The following KIDINS220 variants were observed in gnomAD, a reference collection of about 807,000 sequenced individuals.
KIDINS220 encodes kinase D-interacting substrate of 220 kDa.
In KIDINS220, 63 loss-of-function variants were observed where a neutral mutation model predicts 157.6. The ratio of observed to expected loss-of-function variants is 0.40; its 90% CI spans 0.33 to 0.49. The LOEUF is 0.49. Ranked by LOEUF, KIDINS220 falls within the 20% of genes least tolerant of loss-of-function variation. The pLI, the probability that KIDINS220 is intolerant of heterozygous loss-of-function variation, is 0.66. For missense variants in KIDINS220, 1,772 were observed against 2,171.2 expected (o/e 0.82, Z 3.65); for synonymous variants, 732 against 783.6 (o/e 0.93, Z 1.10).
chr2:8,816,169 T>C (rs953220785), intron 4 of KIDINS220, among the ~76,000 whole-genome samples: 1 of 152,210 alleles, frequency 6.6e-6, no homozygotes, highest in Non-Finnish European at 1.5e-5. Flanking sequence ...TTTGAAGAAA[T>C]AGGAAGAGCC....
rs753734439 is a variant in KIDINS220, at chr2:8,791,232, T to G, written c.1277-8A>C. 3 of 1,609,164 alleles carry G rather than the reference T, an allele frequency of 1.9e-6. No homozygotes were observed. The East Asian group carries it at 6.7e-5, about 36-fold the overall frequency. ...CAGTAGGAGACAAGTGTCCTGTAAT[T>G]AAAACACATCATATCTTACATTAAA... is the stretch of plus-strand genomic sequence containing the variant. On this transcript the variant is annotated splice_region_variant and splice_polypyrimidine_tract_variant and intron_variant, in intron 12 of 29. Transcript: ENST00000256707.
chr2:8,823,415 G>C (rs1572812649), intron 2 of KIDINS220, among the ~76,000 whole-genome samples: 2 of 139,108 alleles, frequency 1.4e-5, no homozygotes, highest in Middle Eastern at 7.8e-3. Context: ...TTTATCAGAA[G>C]TTGTAAAAGC....
In KIDINS220 at chr2:8,793,946, G is replaced by T; in HGVS notation, c.1140C>A (p.Ser380Arg). The T allele has an allele frequency of 1.2e-6, 2 of 1,613,306 alleles. No homozygotes were observed. Among genetic ancestry groups the T allele is most frequent in the Non-Finnish European group, 1.7e-6 (2 of 1,179,798 alleles). ...TPLHIAIRGR[S>R]RKLAELLLRN... ...TTAAAAGCAGTTCTGCCAGTTTCCG[G>T]CTCCTTCCACGAATAGCAATATGCA... The change falls in exon 12 of 30, where the codon AGC becomes AGA. Residue 380 changes from serine (S) to arginine (R), a missense_variant. Coordinates refer to ENST00000256707, the MANE Select transcript of KIDINS220 (RefSeq NM_020738.4).
chr2:8,743,543 A>T (rs1346290984), intron 26 of KIDINS220, among the ~76,000 whole-genome samples: 2 of 152,212 alleles, frequency 1.3e-5, no homozygotes, highest in Non-Finnish European at 2.9e-5. Context: ...TCCAAGGCAA[A>T]GAGCTCATCA....
At position 8,759,074 on chromosome 2, in the gene KIDINS220, G is replaced by A. The variant is rs1484907075; in HGVS notation, c.3012-7430C>T. 3.3e-5 allele frequency among the ~76,000 whole-genome samples: 5 copies of A among 152,354 alleles called. No individual in the cohort carries two copies. The Middle Eastern group carries it at 0.014, about 415-fold the overall frequency. On this transcript the variant is annotated intron_variant, in intron 22 of 29. Coordinates refer to ENST00000256707, the MANE Select transcript of KIDINS220 (RefSeq NM_020738.4). ...CACTCACTTTTCAAGGTCTACAAAA[G>A]TAAGTTTGCATTTTAGGCATCTTAT...
At position 8,791,064 on chromosome 2, in the gene KIDINS220, T is replaced by C. The variant is rs1558430689; in HGVS notation, c.1437A>G (p.Leu479=). 3.1e-6 allele frequency: 5 copies of C among 1,612,608 alleles called. No individual in the cohort carries two copies. The highest frequency in any genetic ancestry group is 4.2e-6 in the Non-Finnish European group (5 of 1,179,296). Residue 479 remains leucine, a synonymous_variant, in exon 13 of 30, where the codon CTA becomes CTG. Transcript: ENST00000256707. ...TTGTACAAGCAAGCCCTTTACCTTCTAGTTTCTTGAGTAAGAAAGATTTCC... is the reference window on the plus strand; with the variant it reads ...TTGTACAAGCAAGCCCTTTACCTTCCAGTTTCTTGAGTAAGAAAGATTTCC... ...GSGKSFLLKK[L]EDEMKTFAGQ... is the part of the protein sequence containing the mutation.
rs1013902418 is a variant in KIDINS220, at chr2:8,787,104, G to GA, written c.1788-748dup. On this transcript the variant is annotated intron_variant, in intron 15 of 29. Coordinates refer to ENST00000256707, the MANE Select transcript of KIDINS220 (RefSeq NM_020738.4). ...CGATGCTACTTTAATTGTTCTAACTGAAAAAAAAAAATACCACCTCATTAA... is the reference window on the plus strand; with the variant it reads ...CGATGCTACTTTAATTGTTCTAACTGAAAAAAAAAAAATACCACCTCATTAA... Among the ~76,000 whole-genome samples, 142 of 144,170 alleles carry GA rather than the reference G, an allele frequency of 9.8e-4. 1 individual carries two copies. The East Asian group carries it at 0.016, about 16-fold the overall frequency. The allele number at this position is 144,170 out of a possible 152,430, so 94.6% of individuals were successfully genotyped here. A position where few individuals can be genotyped will look rare whatever the true frequency, so the allele number is the denominator to read the frequency against.
intron 15 of KIDINS220, among the ~76,000 whole-genome samples, 162 bp from the exon 16 acceptor site, chr2:8,786,519 C>T (rs562847781): frequency 1.3e-5 from 2 of 152,060 alleles, no homozygotes; most frequent in African/African-American, 2.4e-5. Context: ...AATTAGGTAG[C>T]TTCCACTTCT....
intron 17 of KIDINS220, among the ~76,000 whole-genome samples, chr2:8,783,728 A>G (rs912773517): frequency 1.3e-5 from 2 of 152,220 alleles, no homozygotes; most frequent in African/African-American, 4.8e-5. Context: ...ACACTGCAAA[A>G]AACGAAATAG....
Position 8,780,507 on chromosome 2 carries a change from T to G in KIDINS220, c.2230-693A>C, listed in dbSNP as rs572687286. On this transcript the variant is annotated intron_variant, in intron 17 of 29. Transcript: ENST00000256707. ...CTCCTTGATTACGTAAGCTTATATA[T>G]GTGTGTGTGTGTCTGTGTGTGTGTG... Among the ~76,000 whole-genome samples the G allele has an allele frequency of 6.4e-5, 5 of 78,254 alleles. No individual in the cohort carries two copies. The South Asian group carries it at 2.0e-3, about 31-fold the overall frequency. 51.3% of individuals were successfully genotyped at this position (78,254 alleles called of 152,430 possible). A position where few individuals can be genotyped will look rare whatever the true frequency, so the allele number is the denominator to read the frequency against.
chr2:8,749,791 C>T (rs548264836), intron 24 of KIDINS220, among the ~76,000 whole-genome samples: 1 of 151,962 alleles, frequency 6.6e-6, no homozygotes, highest in Non-Finnish European at 1.5e-5. Context: ...ACAAATAGAA[C>T]ATTTGTTTAT....
At position 8,736,447 on chromosome 2, in the gene KIDINS220, A is replaced by C. The variant is rs1484860923; in HGVS notation, c.3717+421T>G. Among the ~76,000 whole-genome samples, 4 of 152,350 alleles carry C rather than the reference A, an allele frequency of 2.6e-5. No individual in the cohort carries two copies. In the East Asian group the frequency reaches 7.7e-4, roughly 29 times the overall value. ...GACATGAAAATGAGAATTTGGAGAA[A>C]ATGAGGCAAGTGTGGCTTACTTTGA... is the stretch of plus-strand genomic sequence containing the variant. On this transcript the variant is annotated intron_variant, in intron 27 of 29. Coordinates refer to ENST00000256707, the MANE Select transcript of KIDINS220 (RefSeq NM_020738.4).
chr2:8,806,523 C>T, intron 6 of KIDINS220, 154 bp from the exon 7 acceptor site: 1 of 547,328 alleles, frequency 1.8e-6, no homozygotes, highest in South Asian at 3.3e-5. Context: ...AATCCTATTT[C>T]TCCCATTTTA....
chr2:8,813,332 CTCCCT>C lies in KIDINS220; in HGVS notation c.307-2_309del. 6.2e-7 allele frequency: 1 copy of C among 1,606,502 alleles called. No individual in the cohort carries two copies. The highest frequency in any genetic ancestry group is 1.7e-5 in the Admixed American group (1 of 58,342). ...CATGCCCACATAAGAGCTGTCCATC[CTCCCT>C]AAACAAAAAATGTAGGGGTAAGGGA... On this transcript the variant is annotated splice_acceptor_variant and coding_sequence_variant, in exon 5 of 30. Coordinates refer to ENST00000256707, the MANE Select transcript of KIDINS220 (RefSeq NM_020738.4). LOFTEE classifies it high-confidence loss of function.
At chr2:8,800,543 C>G in intron 8 of KIDINS220, 45 bp from the exon 9 acceptor site, 1 of 1,280,200 alleles carries the variant, frequency 7.8e-7, no homozygotes, top group Non-Finnish European at 1.1e-6. Context: ...AAATTGACAA[C>G]AAATAAGCAC....
intron 10 of KIDINS220, 39 bp from the exon 11 acceptor site, chr2:8,796,908 T>C (rs750724089): frequency 2.8e-6 from 4 of 1,404,490 alleles, no homozygotes; most frequent in South Asian, 1.2e-5. Context: ...GATTAATAGC[T>C]TGACTCCTGT....
At chr2:8,819,268 T>C (rs1042198270) in intron 2 of KIDINS220, among the ~76,000 whole-genome samples, 56 of 152,186 alleles carry the variant, frequency 3.7e-4, no homozygotes, top group Non-Finnish European at 1.8e-4. Flanking sequence ...TACACATATG[T>C]AGTTTTTTAA....
chr2:8,762,325 T>C (rs1348654195), intron 22 of KIDINS220, among the ~76,000 whole-genome samples: 1 of 152,204 alleles, frequency 6.6e-6, no homozygotes, highest in Non-Finnish European at 1.5e-5. Context: ...ATGTTGACGT[T>C]AGAAACACAT....
chr2:8,787,010 C>T (rs1672489346), intron 15 of KIDINS220, among the ~76,000 whole-genome samples: 1 of 151,860 alleles, frequency 6.6e-6, no homozygotes, highest in Non-Finnish European at 1.5e-5. Flanking sequence ...CTAAATTAAA[C>T]TCTCATCTCA....
Sources: allele counts gnomAD v4.1 joint callset (sites outside exome capture counted in the v4.1 genomes callset), GRCh38; gene constraint gnomAD v4.1.1; transcripts MANE v1.5; gene names NCBI Gene and HGNC (gene_info 2026-07-23, HGNC 2026-07-21).